NCKAP5: variants seen among roughly 807,000 people sequenced by gnomAD.
NCKAP5 encodes NCK associated protein 5, also known as nck-associated protein 5.
A neutral mutation model predicts 167.0 loss-of-function variants in NCKAP5; 92 were observed. That is an observed-to-expected ratio of 0.55 (90% CI 0.47 to 0.66). The LOEUF is 0.66. Among genes scored for constraint, NCKAP5 ranks in the 30% least tolerant of loss-of-function variants. NCKAP5 has a pLI of 0.00. For synonymous variants in NCKAP5, 891 were observed against 877.4 expected (o/e 1.02, Z -0.27); for missense variants, 2,378 against 2,315.0 (o/e 1.03, Z -0.56).
chr2:133,178,106 A>T (rs1021053804), intron 5 of NCKAP5, among the ~76,000 whole-genome samples: 28 of 152,114 alleles, frequency 1.8e-4, no homozygotes, highest in African/African-American at 6.8e-4. Flanking sequence ...GCTGATAAAG[A>T]ACCTGGACTA....
chr2:133,240,148 C>A (rs2087615771), intron 4 of NCKAP5, among the ~76,000 whole-genome samples: 1 of 152,100 alleles, frequency 6.6e-6, no homozygotes. Flanking sequence ...AGCCACCATG[C>A]AGATAGAATA....
At chr2:133,490,039 G>T (rs528953736) in intron 3 of NCKAP5, among the ~76,000 whole-genome samples, 1 of 152,300 alleles carries the variant, frequency 6.6e-6, no homozygotes, top group South Asian at 2.1e-4. Flanking sequence ...CAGAACAGGG[G>T]CCACAGGATC....
chr2:133,563,800 G>T (rs111568192), intron 1 of NCKAP5, among the ~76,000 whole-genome samples: 14 of 152,050 alleles, frequency 9.2e-5, no homozygotes, highest in Non-Finnish European at 1.5e-4. Flanking sequence ...GGCTCATGAA[G>T]CCTCCATATC....
At chr2:133,150,377 G>A (rs746366573) in intron 5 of NCKAP5, among the ~76,000 whole-genome samples, 1 of 152,106 alleles carries the variant, frequency 6.6e-6, no homozygotes, top group Non-Finnish European at 1.5e-5. Context: ...ACAATTTCTG[G>A]CATCCACTGG....
intron 4 of NCKAP5, among the ~76,000 whole-genome samples, chr2:133,270,797 G>C (rs2089471711): frequency 6.6e-6 from 1 of 152,114 alleles, no homozygotes; most frequent in African/African-American, 2.4e-5. Context: ...CATTTACATA[G>C]GGTGTACACC....
intron 3 of NCKAP5, among the ~76,000 whole-genome samples, chr2:133,325,234 C>A (rs769112407): frequency 6.6e-6 from 1 of 151,964 alleles, no homozygotes; most frequent in Non-Finnish European, 1.5e-5. Flanking sequence ...AGGGAAAGAG[C>A]CAGAGAAATT....
Position 132,785,347 on chromosome 2 carries a change from G to A in NCKAP5, c.1464C>T (p.Leu488=), listed in dbSNP as rs1379116395. 2 of 1,613,876 alleles carry A rather than the reference G, an allele frequency of 1.2e-6. No homozygotes were observed. Among genetic ancestry groups the A allele is most frequent in the Admixed American group, 3.3e-5 (2 of 60,024 alleles). The part of the protein sequence containing the change: ...ADDDPSTLAL[L]QAVPNQSCRP... The stretch of plus-strand genomic sequence containing the variant: ...TGCAGCTCTGGTTTGGAACTGCTTG[G>A]AGCAATGCTAAGGTGGAAGGGTCAT... Residue 488 remains leucine (L), a synonymous_variant, in exon 14 of 20, where the codon CTC becomes CTT. Coordinates refer to ENST00000409261, the MANE Select transcript of NCKAP5 (RefSeq NM_207363.3).
chr2:133,171,351 GT>G (rs1045225870), intron 5 of NCKAP5, among the ~76,000 whole-genome samples: 3 of 151,906 alleles, frequency 2.0e-5, no homozygotes, highest in Admixed American at 6.6e-5. Flanking sequence ...GAATAAGCAT[GT>G]TTTTTTTGTT....
intron 16 of NCKAP5, among the ~76,000 whole-genome samples, chr2:132,768,203 A>AT (rs1681688975): frequency 6.6e-6 from 1 of 152,176 alleles, no homozygotes; most frequent in Non-Finnish European, 1.5e-5. Context: ...ATAGGATTCA[A>AT]TTTTTTGTGT....
chr2:133,273,431 T>A (rs1272938431), intron 4 of NCKAP5, among the ~76,000 whole-genome samples: 1 of 152,014 alleles, frequency 6.6e-6, no homozygotes, highest in African/African-American at 2.4e-5. Context: ...TACCCAATCT[T>A]CACAAAACTT....
chr2:132,752,127 G>A (rs980065428), intron 16 of NCKAP5, among the ~76,000 whole-genome samples: 1 of 152,222 alleles, frequency 6.6e-6, no homozygotes, highest in Non-Finnish European at 1.5e-5. Context: ...TGCCCATAGA[G>A]AAAGTTTGCT....
At chr2:132,934,494 AC>A (rs1696691054) in intron 8 of NCKAP5, among the ~76,000 whole-genome samples, 1 of 151,986 alleles carries the variant, frequency 6.6e-6, no homozygotes, top group Non-Finnish European at 1.5e-5. Flanking sequence ...AATTGCTTGA[AC>A]CTGGAGGTGG....
In NCKAP5 at chr2:132,733,794, T is replaced by C. The variant is rs113648188; in HGVS notation, c.5129-1743A>G. 2.6e-3 allele frequency among the ~76,000 whole-genome samples: 402 copies of C among 152,282 alleles called. 1 individual carries two copies. Among genetic ancestry groups the C allele is most frequent in the African/African-American group, 9.3e-3 (388 of 41,550 alleles). On this transcript the variant is annotated intron_variant, in intron 16 of 19. Coordinates refer to ENST00000409261, the MANE Select transcript of NCKAP5 (RefSeq NM_207363.3). ...TAGCAGAAGTCTGGGAATTTCCTAA[T>C]ACTGAGGCAAAAATAAAGGGATGGG... is the stretch of plus-strand genomic sequence containing the variant.
At chr2:133,520,183 G>A (rs1254918655) in intron 2 of NCKAP5, among the ~76,000 whole-genome samples, 1 of 152,150 alleles carries the variant, frequency 6.6e-6, no homozygotes, top group Admixed American at 6.5e-5. Flanking sequence ...TACAGAGCGA[G>A]ACTCCATCTC....
At chr2:133,125,756 C>A (rs904341821) in intron 6 of NCKAP5, among the ~76,000 whole-genome samples, 1 of 152,146 alleles carries the variant, frequency 6.6e-6, no homozygotes, top group East Asian at 1.9e-4. Flanking sequence ...ATGGTCTGAA[C>A]CAAGTTTGTT....
At chr2:133,162,895 TC>T (rs2083855762) in intron 5 of NCKAP5, among the ~76,000 whole-genome samples, 1 of 152,164 alleles carries the variant, frequency 6.6e-6, no homozygotes, top group Admixed American at 6.5e-5. Flanking sequence ...GTTATTTTTT[TC>T]CATGTGAGAA....
At chr2:133,206,875 G>A (rs1042046811) in intron 5 of NCKAP5, among the ~76,000 whole-genome samples, 8 of 152,054 alleles carry the variant, frequency 5.3e-5, no homozygotes, top group Non-Finnish European at 8.8e-5. Context: ...TGTCTTATGC[G>A]GTTGAGATAA....
At position 132,731,763 on chromosome 2, in the gene NCKAP5, C is replaced by A. The variant is rs1691029371; in HGVS notation, c.5417G>T (p.Ser1806Ile). ...MTARGMRPLQSRLPKPASSGK... is the reference protein window; with the variant it reads ...MTARGMRPLQIRLPKPASSGK... ...TGAGGAAGCTGGTTTGGGGAGGCGGCTCTGAAGAGGCCTCATCCCTCTGGC... is the reference window on the plus strand; with the variant it reads ...TGAGGAAGCTGGTTTGGGGAGGCGGATCTGAAGAGGCCTCATCCCTCTGGC... Residue 1806 changes from serine to isoleucine, a missense_variant, in exon 17 of 20, where the codon AGC becomes ATC. By Grantham distance (142) the Ser-to-Ile change is moderately radical. Transcript: ENST00000409261. 6.2e-7 allele frequency: 1 copy of A among 1,604,766 alleles called. No homozygotes were observed. The highest frequency in any genetic ancestry group is 2.2e-5 in the East Asian group (1 of 44,538).
intron 11 of NCKAP5, among the ~76,000 whole-genome samples, chr2:132,825,889 C>T (rs2105341954): frequency 6.6e-6 from 1 of 152,266 alleles, no homozygotes; most frequent in Admixed American, 6.5e-5. Flanking sequence ...ATGTATGCAG[C>T]AAAGAGAACA....
Sources: allele counts gnomAD v4.1 joint callset (sites outside exome capture counted in the v4.1 genomes callset), GRCh38; gene constraint gnomAD v4.1.1; transcripts MANE v1.5; gene names NCBI Gene and HGNC (gene_info 2026-07-23, HGNC 2026-07-21).